The following RREB1 variants were observed in gnomAD, a reference collection of about 807,000 sequenced individuals.
RREB1 encodes ras responsive element binding protein 1.
In RREB1, 27 loss-of-function variants were observed where a neutral mutation model predicts 117.8. The observed-to-expected ratio is 0.23, with a 90% confidence interval of 0.17 to 0.32. The LOEUF (loss-of-function observed/expected upper bound fraction) is 0.32. Ranked by LOEUF, RREB1 falls within the 10% of genes least tolerant of loss-of-function variation. The pLI, the probability that RREB1 is intolerant of heterozygous loss-of-function variation, is 1.00. For missense variants in RREB1, 2,577 were observed against 2,378.2 expected, an observed-to-expected ratio of 1.08 and a Z score of -1.74; for synonymous variants, 1,298 against 1,026.7, an observed-to-expected ratio of 1.26 and a Z score of -5.05.
intron 2 of RREB1, among the ~76,000 whole-genome samples, chr6:7,179,500 T>C (rs1348471026): frequency 1.3e-5 from 2 of 152,230 alleles, no homozygotes; most frequent in Non-Finnish European, 2.9e-5. Context: ...GAAAGAGAGA[T>C]TTCTAGTCAG....
Position 7,246,537 on chromosome 6 carries a change from G to A in RREB1, c.4087G>A (p.Asp1363Asn), listed in dbSNP as rs1769040541. ...CACTGAGCTCCGCCAGGTCGCAGGG[G>A]ATGCGCCTGTGGAGCAGGCCACGGC... Reference protein sequence around the residue: ...GATELRQVAGDAPVEQATAET... With the variant: ...GATELRQVAGNAPVEQATAET... The change falls in exon 12 of 13, where the codon GAT (aspartate) becomes AAT (asparagine). Residue 1363 changes from aspartate (D) to asparagine (N), a missense_variant. By Grantham distance (23) the Asp-to-Asn change is conservative. Transcript: ENST00000379938. The A allele has an allele frequency of 1.3e-6, 2 of 1,547,796 alleles. No individual in the cohort carries two copies. The highest frequency in any genetic ancestry group is 4.9e-5 in the East Asian group (2 of 41,108).
chr6:7,125,207 G>A (rs187774741), intron 1 of RREB1, among the ~76,000 whole-genome samples: 1 of 152,220 alleles, frequency 6.6e-6, no homozygotes, highest in East Asian at 1.9e-4. Flanking sequence ...GAATTTGGGA[G>A]CCCTTATAGA....
intron 1 of RREB1, among the ~76,000 whole-genome samples, chr6:7,110,789 T>C (rs535639606): frequency 6.6e-6 from 1 of 152,370 alleles, no homozygotes; most frequent in African/African-American, 2.4e-5. Flanking sequence ...ATGTCTTGTT[T>C]TTAAAGAGGA....
intron 1 of RREB1, chr6:7,140,654 A>T (rs1352812779): frequency 6.6e-6 from 1 of 152,236 alleles, no homozygotes; most frequent in East Asian, 1.9e-4. Flanking sequence ...ATAGGTTTGA[A>T]GCCGCTGGTC....
Position 7,230,599 on chromosome 6 carries a change from G to A in RREB1, c.2500G>A (p.Ala834Thr), listed in dbSNP as rs560151573. 7.5e-6 allele frequency: 12 copies of A among 1,603,394 alleles called. No individual in the cohort carries two copies. Among genetic ancestry groups the A allele is most frequent in the Admixed American group, 1.7e-5 (1 of 58,850 alleles). ...GCTGGCCGCCGACGGCCTGGGCCCC[G>A]CAGAGGCGCCGGCCGCTGAGGCGTC... ...YVLAADGLGP[A>T]EAPAAEASGR... The change falls in exon 10 of 13, where the codon GCA becomes ACA. Residue 834 changes from alanine to threonine, a missense_variant. Coordinates refer to ENST00000379938, the MANE Select transcript of RREB1 (RefSeq NM_001003699.4).
In RREB1 at chr6:7,246,896, C is replaced by T. The variant is rs1375445835; in HGVS notation, c.4446C>T (p.Gly1482=). Residue 1482 remains glycine, a synonymous_variant, in exon 12 of 13, where the codon GGC becomes GGT. Coordinates refer to ENST00000379938, the MANE Select transcript of RREB1 (RefSeq NM_001003699.4). The part of the protein sequence containing the change: ...RQEPKDEKGD[G]ASTAEEGPQP... ...AGCCCAAGGACGAGAAGGGAGATGGCGCCAGCACTGCAGAGGAGGGGCCCC... is the reference window on the plus strand; with the variant it reads ...AGCCCAAGGACGAGAAGGGAGATGGTGCCAGCACTGCAGAGGAGGGGCCCC... The T allele has an allele frequency of 9.7e-6, 15 of 1,553,238 alleles. No individual in the cohort carries two copies. Among genetic ancestry groups the T allele is most frequent in the Non-Finnish European group, 5.2e-6 (6 of 1,148,850 alleles).
intron 6 of RREB1, among the ~76,000 whole-genome samples, chr6:7,194,609 G>C (rs964317258): frequency 2.0e-5 from 3 of 152,120 alleles, no homozygotes; most frequent in Non-Finnish European, 4.4e-5. Flanking sequence ...TTATTTTGAG[G>C]CACCTTGAAT....
chr6:7,143,854 T>TC (rs200562757), intron 1 of RREB1, among the ~76,000 whole-genome samples: 118 of 144,688 alleles, frequency 8.2e-4, no homozygotes, highest in African/African-American at 2.9e-3. Flanking sequence ...TTTCTTTCTT[T>TC]TTTTTTTTTT....
chr6:7,204,272 G>T (rs1040862248), intron 6 of RREB1, among the ~76,000 whole-genome samples: 11 of 152,162 alleles, frequency 7.2e-5, no homozygotes, highest in Non-Finnish European at 1.3e-4. Context: ...GGCCACACCA[G>T]GAATTGCTCA....
chr6:7,118,782 TCC>T, intron 1 of RREB1, among the ~76,000 whole-genome samples: 1 of 148,820 alleles, frequency 6.7e-6, no homozygotes, highest in Non-Finnish European at 1.5e-5. Context: ...AATTTGCCAA[TCC>T]CATGGTGTTT....
intron 6 of RREB1, among the ~76,000 whole-genome samples, chr6:7,196,198 GTTTTTTGGTTT>G (rs1765656813): frequency 2.0e-5 from 2 of 99,034 alleles, no homozygotes; most frequent in African/African-American, 7.4e-5. Context: ...AAAGTTCGTT[GTTTTTTGGTTT>G]TTTTTTTCGT....
intron 6 of RREB1, among the ~76,000 whole-genome samples, chr6:7,200,760 G>A (rs149880224): frequency 3.4e-4 from 52 of 152,190 alleles, no homozygotes; most frequent in African/African-American, 1.2e-3. Flanking sequence ...AGCCTTTTTC[G>A]TCCTATCACT....
At chr6:7,156,695 G>A (rs1763379936) in intron 1 of RREB1, among the ~76,000 whole-genome samples, 1 of 152,194 alleles carries the variant, frequency 6.6e-6, no homozygotes, top group South Asian at 2.1e-4. Context: ...TGTGTGAATT[G>A]GGCATCCGTT....
At chr6:7,166,593 C>G (rs1370476576) in intron 1 of RREB1, among the ~76,000 whole-genome samples, 1 of 152,178 alleles carries the variant, frequency 6.6e-6, no homozygotes, top group African/African-American at 2.4e-5. Flanking sequence ...ATTTTGACCA[C>G]AGCTGACCAC....
intron 8 of RREB1, chr6:7,212,738 G>A (rs1356502084): frequency 6.6e-6 from 1 of 152,134 alleles, no homozygotes; most frequent in Non-Finnish European, 1.5e-5. Context: ...ATATGGACCA[G>A]ATTTCCTTCT....
intron 11 of RREB1, among the ~76,000 whole-genome samples, chr6:7,242,700 A>AAGGG (rs765810052): frequency 7.4e-6 from 1 of 134,770 alleles, no homozygotes; most frequent in African/African-American, 2.9e-5. Context: ...CTTAAAAAAA[A>AAGGG]GGGGGGGGGG....
Position 7,250,394 on chromosome 6 carries a change from C to T in RREB1, c.*1426C>T, listed in dbSNP as rs1040279845. ...TTTCTAGTTTCTTAAATAGCCCACA[C>T]CCCTGGATGCAAAAAGGCAGGGTTA... On this transcript the variant is annotated 3_prime_UTR_variant, in exon 13 of 13. Coordinates refer to ENST00000379938, the MANE Select transcript of RREB1 (RefSeq NM_001003699.4). 6.6e-6 allele frequency: 1 copy of T among 152,262 alleles called. No individual in the cohort carries two copies. Among genetic ancestry groups the T allele is most frequent in the East Asian group, 1.9e-4 (1 of 5,180 alleles). The allele number at this position is 152,262 out of a possible 1,614,324, so 9.4% of individuals were successfully genotyped here. A position where few individuals can be genotyped will look rare whatever the true frequency, so the allele number is the denominator to read the frequency against.
At chr6:7,119,191 A>G (rs1343170568) in intron 1 of RREB1, among the ~76,000 whole-genome samples, 2 of 152,136 alleles carry the variant, frequency 1.3e-5, no homozygotes, top group Non-Finnish European at 1.5e-5. Flanking sequence ...TCTTTACTAA[A>G]AACACAAAAA....
intron 8 of RREB1, among the ~76,000 whole-genome samples, chr6:7,220,089 C>A (rs987038564): frequency 3.9e-5 from 6 of 152,220 alleles, no homozygotes; most frequent in Admixed American, 3.9e-4. Context: ...GGAACCTCCA[C>A]AGTGGAGCAG....
Sources: gnomAD v4.1 joint callset for allele counts (sites outside exome capture counted in the v4.1 genomes callset) on GRCh38, gnomAD v4.1.1 for gene constraint, MANE v1.5 for transcripts, NCBI Gene and HGNC (gene_info 2026-07-23, HGNC 2026-07-21) for gene names.